The following HSD17B12 variants were observed in gnomAD, a reference collection of about 807,000 sequenced individuals.
HSD17B12 encodes the protein hydroxysteroid 17-beta dehydrogenase 12, also known as very-long-chain 3-oxoacyl-CoA reductase.
A neutral mutation model predicts 39.3 loss-of-function variants in HSD17B12; 32 were observed. The ratio of observed to expected loss-of-function variants is 0.81; its 90% CI spans 0.61 to 1.09. The LOEUF (loss-of-function observed/expected upper bound fraction) is 1.09. Ranked by LOEUF, HSD17B12 falls within the 50% of genes least tolerant of loss-of-function variation. The pLI is 0.00. For missense variants in HSD17B12, 342 were observed against 382.9 expected (o/e 0.89, Z 0.89); for synonymous variants, 150 against 146.7 (o/e 1.02, Z -0.16).
In HSD17B12 at chr11:43,723,389, C is replaced by T. The variant is rs1204151598; in HGVS notation, c.161-27522C>T. On this transcript the variant is annotated intron_variant, in intron 1 of 10. Transcript: ENST00000278353. ...GAGCCATTTGGAGATAGCATTTTGACTAGATCTGTCATTCAATTCAGCTTA... is the reference window on the plus strand; with the variant it reads ...GAGCCATTTGGAGATAGCATTTTGATTAGATCTGTCATTCAATTCAGCTTA... Among the ~76,000 whole-genome samples, 3 of 152,226 alleles carry T rather than the reference C, an allele frequency of 2.0e-5. No individual in the cohort carries two copies. The South Asian group carries it at 6.2e-4, about 32-fold the overall frequency.
At chr11:43,679,992 A>C (rs1949725264), upstream of HSD17B12, among the ~76,000 whole-genome samples, 1 of 151,168 alleles carries the variant, frequency 6.6e-6, no homozygotes, top group Non-Finnish European at 1.5e-5. Flanking sequence ...TTATTATATA[A>C]TTATATCATA....
At chr11:43,664,854 G>T in the HSD17B12 span, among the ~76,000 whole-genome samples, 1 of 152,148 alleles carries the variant, frequency 6.6e-6, no homozygotes, top group Non-Finnish European at 1.5e-5. Flanking sequence ...TAAACATCTT[G>T]CATGAATAAG....
the HSD17B12 span, among the ~76,000 whole-genome samples, chr11:43,609,865 T>C: frequency 1.3e-5 from 2 of 152,150 alleles, no homozygotes; most frequent in Non-Finnish European, 2.9e-5. Context: ...TCATCGAGAG[T>C]TTGATGTGAT....
intron 1 of HSD17B12, among the ~76,000 whole-genome samples, chr11:43,747,711 A>T (rs111763538): frequency 6.6e-6 from 1 of 152,216 alleles, no homozygotes; most frequent in Non-Finnish European, 1.5e-5. Context: ...CACAAAGGAG[A>T]TTCACTTAAA....
the HSD17B12 span, chr11:43,644,977 G>T: frequency 6.6e-6 from 1 of 152,232 alleles, no homozygotes; most frequent in South Asian, 2.1e-4. Flanking sequence ...CACCAGGGTT[G>T]CAGGTACCTT....
At chr11:43,583,632 T>C in the HSD17B12 span, among the ~76,000 whole-genome samples, 1 of 151,998 alleles carries the variant, frequency 6.6e-6, no homozygotes, top group South Asian at 2.1e-4. Context: ...TGGGAGCTGA[T>C]CTCTCCCTCT....
At chr11:43,721,369 A>AG (rs1397661122) in intron 1 of HSD17B12, among the ~76,000 whole-genome samples, 3 of 152,066 alleles carry the variant, frequency 2.0e-5, no homozygotes, top group Non-Finnish European at 4.4e-5. Context: ...CTGTAATCTC[A>AG]GCACGTTTGG....
chr11:43,594,557 G>A, the HSD17B12 span, among the ~76,000 whole-genome samples: 1 of 135,720 alleles, frequency 7.4e-6, no homozygotes, highest in Non-Finnish European at 1.6e-5. Flanking sequence ...TTTAAAAATT[G>A]TATTGCTATA....
the HSD17B12 span, among the ~76,000 whole-genome samples, chr11:43,620,960 C>T: frequency 3.3e-5 from 5 of 152,338 alleles, no homozygotes; most frequent in South Asian, 1.0e-3. Context: ...GAAAAGGAGA[C>T]ACAATGTTCC....
the HSD17B12 span, among the ~76,000 whole-genome samples, chr11:43,561,089 G>T: frequency 6.6e-6 from 1 of 152,294 alleles, no homozygotes; most frequent in South Asian, 2.1e-4. Context: ...TAGAGCCCAA[G>T]CCTTGCAGAT....
the HSD17B12 span, among the ~76,000 whole-genome samples, chr11:43,623,682 A>G: frequency 6.6e-6 from 1 of 152,038 alleles, no homozygotes; most frequent in African/African-American, 2.4e-5. Flanking sequence ...GTTCATAAAA[A>G]CCCGAGGGAA....
intron 6 of HSD17B12, 102 bp from the exon 7 acceptor site, chr11:43,830,874 G>C: frequency 1.1e-6 from 1 of 904,264 alleles, no homozygotes; most frequent in Non-Finnish European, 1.8e-6. Context: ...GTGGTGAATG[G>C]TTTCATGATT....
At chr11:43,805,886 C>T (rs556217694) in intron 4 of HSD17B12, among the ~76,000 whole-genome samples, 9 of 152,250 alleles carry the variant, frequency 5.9e-5, no homozygotes, top group East Asian at 1.9e-4. Flanking sequence ...TTCTTGGGTT[C>T]GTATGACACC....
the HSD17B12 span, among the ~76,000 whole-genome samples, chr11:43,669,672 A>C: frequency 6.6e-6 from 1 of 152,128 alleles, no homozygotes; most frequent in African/African-American, 2.4e-5. Flanking sequence ...CCTTGGCTGG[A>C]AACTGTATTA....
chr11:43,565,093 T>C, the HSD17B12 span, among the ~76,000 whole-genome samples: 10 of 152,044 alleles, frequency 6.6e-5, no homozygotes, highest in Admixed American at 3.3e-4. Context: ...AGAGATGGGG[T>C]TTCACCATGT....
At chr11:43,635,697 T>C in the HSD17B12 span, among the ~76,000 whole-genome samples, 1 of 152,214 alleles carries the variant, frequency 6.6e-6, no homozygotes, top group African/African-American at 2.4e-5. Flanking sequence ...ACTGAAAGTC[T>C]GAAGAGGATG....
At chr11:43,815,623 T>C (rs535193332) in intron 5 of HSD17B12, 122 bp downstream of exon 5, 293 of 547,600 alleles carry the variant, frequency 5.4e-4, no homozygotes, top group African/African-American at 5.0e-3. Context: ...TTCTGTTTAC[T>C]ACCTGAGTTC....
chr11:43,564,633 C>T, the HSD17B12 span, among the ~76,000 whole-genome samples: 1 of 152,212 alleles, frequency 6.6e-6, no homozygotes, highest in Non-Finnish European at 1.5e-5. Context: ...AAATCCCTAA[C>T]CAGAATGAAC....
the HSD17B12 span, among the ~76,000 whole-genome samples, chr11:43,648,996 T>A: frequency 6.6e-6 from 1 of 152,252 alleles, no homozygotes; most frequent in African/African-American, 2.4e-5. Context: ...CCTGCCAATG[T>A]GCTGGGATCA....
Sources: allele counts gnomAD v4.1 joint callset (sites outside exome capture counted in the v4.1 genomes callset), GRCh38; gene constraint gnomAD v4.1.1; transcripts MANE v1.5; gene names NCBI Gene and HGNC (gene_info 2026-07-23, HGNC 2026-07-21).